The following CALN1 variants were observed in gnomAD, a reference collection of about 807,000 sequenced individuals.
CALN1 encodes the protein calneuron 1.
A neutral mutation model predicts 30.6 loss-of-function variants in CALN1; 17 were observed. The ratio of observed to expected loss-of-function variants is 0.56; its 90% CI spans 0.38 to 0.83. The LOEUF (loss-of-function observed/expected upper bound fraction) is 0.83. CALN1 is among the 40% of genes least tolerant of loss of function. The pLI is 0.00. For synonymous variants in CALN1, 156 were observed against 131.4 expected (o/e 1.19, Z -1.28); for missense variants, 291 against 354.9 (o/e 0.82, Z 1.45).
intron 5 of CALN1, among the ~76,000 whole-genome samples, chr7:71,943,480 A>AT (rs1584569654): frequency 2.0e-5 from 3 of 152,266 alleles, no homozygotes; most frequent in East Asian, 3.9e-4. Context: ...TCACTCTGTC[A>AT]CCCAGGCTGG....
Position 72,027,915 on chromosome 7 carries a change from C to T in CALN1, c.389-4146G>A, listed in dbSNP as rs1362468431. Among the ~76,000 whole-genome samples the T allele has an allele frequency of 7.9e-5, 12 of 151,484 alleles. 1 individual carries two copies. Among genetic ancestry groups the T allele is most frequent in the Non-Finnish European group, 8.8e-5 (6 of 67,872 alleles). ...TACTAAAAAACACAAAAAAATTAGC[C>T]GGGCGTGGTGGCGGGCGCCTGTAGT... On this transcript the variant is annotated intron_variant, in intron 4 of 6. Coordinates refer to ENST00000395275, the MANE Select transcript of CALN1 (RefSeq NM_031468.4).
chr7:71,785,076 A>G lies in CALN1; in HGVS notation c.*2699T>C, dbSNP rs138885808. The G allele has an allele frequency of 4.5e-3, 1,744 of 391,176 alleles. 78 individuals are homozygous for G. In the Admixed American group the frequency reaches 0.07, roughly 16 times the overall value. The allele number at this position is 391,176 out of a possible 1,614,324, so 24.2% of individuals were successfully genotyped here. A position where few individuals can be genotyped will look rare whatever the true frequency, so the allele number is the denominator to read the frequency against. The stretch of plus-strand genomic sequence containing the variant: ...ATGCCGCTAGCTCAGGGCCGTCTCC[A>G]CGCACTGTGTCCTTCAGTCCCTGGG... On this transcript the variant is annotated 3_prime_UTR_variant, in exon 7 of 7. Coordinates refer to ENST00000395275, the MANE Select transcript of CALN1 (RefSeq NM_031468.4).
chr7:71,982,475 T>A (rs972239831), intron 5 of CALN1, among the ~76,000 whole-genome samples: 1 of 152,098 alleles, frequency 6.6e-6, no homozygotes, highest in African/African-American at 2.4e-5. Flanking sequence ...GTGCCTGTAA[T>A]CCCAGCTACT....
chr7:72,253,507 C>T (rs540952308), intron 3 of CALN1, among the ~76,000 whole-genome samples: 1 of 152,276 alleles, frequency 6.6e-6, no homozygotes, highest in Non-Finnish European at 1.5e-5. Flanking sequence ...ACAATCATGG[C>T]TGAAGTTGAA....
At chr7:72,282,985 G>T (rs191750793) in intron 2 of CALN1, among the ~76,000 whole-genome samples, 130 of 150,518 alleles carry the variant, frequency 8.6e-4, no homozygotes, top group African/African-American at 2.9e-3. Context: ...GAACCCGGGA[G>T]TGGACGTTGC....
At chr7:72,059,567 A>G (rs919100348) in intron 4 of CALN1, among the ~76,000 whole-genome samples, 6 of 152,192 alleles carry the variant, frequency 3.9e-5, no homozygotes, top group Non-Finnish European at 7.3e-5. Context: ...TTCCAAAAAG[A>G]AATTGAACTA....
rs1562905128 is a variant in CALN1 at position 71,924,220 on chromosome 7, G to A, written c.501+99437C>T. 1.5e-3 allele frequency among the ~76,000 whole-genome samples: 213 copies of A among 140,952 alleles called. 4 individuals are homozygous for A. Among genetic ancestry groups the A allele is most frequent in the Middle Eastern group, 3.9e-3 (1 of 254 alleles). 92.5% of individuals were successfully genotyped at this position (140,952 alleles called of 152,430 possible). A position where few individuals can be genotyped will look rare whatever the true frequency, so the allele number is the denominator to read the frequency against. On this transcript the variant is annotated intron_variant, in intron 5 of 6. Transcript: ENST00000395275. ...AAAAAAAAAAAAAAAAAAAAGATTA[G>A]GATTAGGATTTCAGATCTTTTTAAA...
At chr7:72,122,955 C>T (rs191599892) in intron 3 of CALN1, among the ~76,000 whole-genome samples, 1 of 152,278 alleles carries the variant, frequency 6.6e-6, no homozygotes, top group Admixed American at 6.5e-5. Context: ...TTTAAATCAG[C>T]ACCACAGCAA....
intron 2 of CALN1, among the ~76,000 whole-genome samples, chr7:72,327,151 C>G (rs1801336608): frequency 1.3e-5 from 2 of 152,142 alleles, no homozygotes; most frequent in Non-Finnish European, 2.9e-5. Context: ...TCAACTTGGG[C>G]TTTATGTGAA....
intron 3 of CALN1, among the ~76,000 whole-genome samples, chr7:72,209,210 T>TTCCTTCCC (rs1792154353): frequency 1.7e-5 from 1 of 59,948 alleles, no homozygotes; most frequent in Non-Finnish European, 3.6e-5. Context: ...CCTTCCCTCC[T>TTCCTTCCC]TCCTTCCCTC....
At chr7:71,973,428 G>A (rs576109579) in intron 5 of CALN1, among the ~76,000 whole-genome samples, 7 of 152,224 alleles carry the variant, frequency 4.6e-5, no homozygotes, top group Middle Eastern at 3.4e-3. Flanking sequence ...CATCCGTCTC[G>A]GCCTCCCAAA....
At chr7:72,024,180 T>A (rs752952970) in intron 4 of CALN1, among the ~76,000 whole-genome samples, 1 of 152,198 alleles carries the variant, frequency 6.6e-6, no homozygotes, top group African/African-American at 2.4e-5. Flanking sequence ...ATTTCACCTC[T>A]TAAGTATCTG....
chr7:72,379,178 G>T (rs1156622741), intron 2 of CALN1, among the ~76,000 whole-genome samples: 1 of 152,020 alleles, frequency 6.6e-6, no homozygotes, highest in Non-Finnish European at 1.5e-5. Context: ...CACACAAACT[G>T]GATTACAGTG....
Position 72,278,772 on chromosome 7 carries a change from A to G in CALN1, c.158T>C (p.Leu53Ser). 6.2e-7 allele frequency: 1 copy of G among 1,613,756 alleles called. No individual in the cohort carries two copies. Among genetic ancestry groups the G allele is most frequent in the Non-Finnish European group, 8.5e-7 (1 of 1,179,732 alleles). ...TCGGTTGAGGTAATTCCCCTTGTAC[A>G]ACAAGCCGGCGGTCACATGGTGGAA... Reference protein sequence around the residue: ...MPFHHVTAGLLYKGNYLNRSL... With the variant: ...MPFHHVTAGLSYKGNYLNRSL... Residue 53 changes from leucine to serine, a missense_variant, in exon 3 of 7, where the codon TTG (leucine) becomes TCG (serine). By Grantham distance (145) the Leu-to-Ser change is moderately radical (BLOSUM62 -2). Around this residue, in one of 2 missense-constraint regions of CALN1, gnomAD observed 122 missense variants for 103.2 expected, o/e 1.18. Coordinates refer to ENST00000395275, the MANE Select transcript of CALN1 (RefSeq NM_031468.4).
intron 2 of CALN1, among the ~76,000 whole-genome samples, chr7:72,383,788 TGCAGCTAAGGGTGGAG>T (rs1278439770): frequency 6.6e-6 from 1 of 152,222 alleles, no homozygotes; most frequent in African/African-American, 2.4e-5. Flanking sequence ...CAATCCATAG[TGCAGCTAAGGGTGGAG>T]GCATAGATGA....
rs1463656301 is a variant in CALN1, at chr7:72,403,387, G to GT, written c.-19dup. On this transcript the variant is annotated 5_prime_UTR_variant, in exon 2 of 7. Coordinates refer to ENST00000395275, the MANE Select transcript of CALN1 (RefSeq NM_031468.4). ...AGCCGCATCGGGGGTCCAGGGCGAT[G>GT]TTCTCAGAGAGAGTTAGAAGCTCAT... The GT allele has an allele frequency of 5.2e-6, 8 of 1,533,680 alleles. No individual in the cohort carries two copies. Among genetic ancestry groups the GT allele is most frequent in the Non-Finnish European group, 6.1e-6 (7 of 1,138,222 alleles).
intron 1 of CALN1, among the ~76,000 whole-genome samples, chr7:72,427,049 C>T (rs1807820798): frequency 6.6e-6 from 1 of 152,222 alleles, no homozygotes; most frequent in Non-Finnish European, 1.5e-5. Flanking sequence ...GTTGTGTGAT[C>T]ATGGCTCACT....
chr7:72,368,666 C>T (rs1415714617), intron 2 of CALN1, among the ~76,000 whole-genome samples: 2 of 152,052 alleles, frequency 1.3e-5, no homozygotes, highest in Non-Finnish European at 1.5e-5. Flanking sequence ...GTGATTGATA[C>T]GCTTTCTCCC....
At chr7:72,447,567 T>C (rs372211907), upstream of CALN1, among the ~76,000 whole-genome samples, 132 of 152,226 alleles carry the variant, frequency 8.7e-4, no homozygotes, top group African/African-American at 3.0e-3. Context: ...CTGGGGAAAG[T>C]GGGAAACCTG....
Sources: gnomAD v4.1 joint callset for allele counts (sites outside exome capture counted in the v4.1 genomes callset) on GRCh38, gnomAD v4.1.1 for gene constraint, gnomAD v4.1.1 regional missense constraint, MANE v1.5 for transcripts, NCBI Gene and HGNC (gene_info 2026-07-23, HGNC 2026-07-21) for gene names.